The following GMDS variants were observed in gnomAD, a reference collection of about 807,000 sequenced individuals.
The protein encoded by GMDS is GDP-mannose 4,6-dehydratase.
Under a neutral mutation model 49.9 loss-of-function variants are expected in GMDS, and 20 were observed. That is an observed-to-expected ratio of 0.40 (90% CI 0.28 to 0.58). The LOEUF is 0.58. GMDS is among the 20% of genes least tolerant of loss of function. The pLI is 0.42. For missense variants in GMDS, 362 were observed against 481.4 expected (o/e 0.75, Z 2.32); for synonymous variants, 177 against 178.6 (o/e 0.99, Z 0.07).
chr6:1,877,183 C>T (rs1485982928), intron 7 of GMDS, among the ~76,000 whole-genome samples: 1 of 152,008 alleles, frequency 6.6e-6, no homozygotes, highest in Non-Finnish European at 1.5e-5. Flanking sequence ...TCTCGGTGTG[C>T]TGTTGATTCC....
intron 7 of GMDS, among the ~76,000 whole-genome samples, chr6:1,917,992 G>A (rs1172834763): frequency 6.6e-6 from 1 of 152,180 alleles, no homozygotes; most frequent in Non-Finnish European, 1.5e-5. Flanking sequence ...TTACTGCACT[G>A]TTTCCACAGA....
At chr6:2,125,298 A>T (rs1186369347) in intron 1 of GMDS, among the ~76,000 whole-genome samples, 1 of 152,032 alleles carries the variant, frequency 6.6e-6, no homozygotes, top group East Asian at 1.9e-4. Context: ...AACAAAACAA[A>T]ACAAAAAATT....
At chr6:1,863,277 A>G (rs1427731617) in intron 7 of GMDS, among the ~76,000 whole-genome samples, 1 of 152,170 alleles carries the variant, frequency 6.6e-6, no homozygotes, top group Non-Finnish European at 1.5e-5. Flanking sequence ...CACCATAGGA[A>G]AAATTCTCGC....
intron 1 of GMDS, among the ~76,000 whole-genome samples, chr6:2,222,185 C>T (rs1780622541): frequency 6.6e-6 from 1 of 152,122 alleles, no homozygotes; most frequent in Non-Finnish European, 1.5e-5. Context: ...ATCATTAGAC[C>T]AGCACTCACT....
At chr6:2,208,531 A>G (rs945144487) in intron 1 of GMDS, among the ~76,000 whole-genome samples, 20 of 152,304 alleles carry the variant, frequency 1.3e-4, no homozygotes, top group African/African-American at 4.8e-4. Context: ...CTGTACAGAC[A>G]ATTTTCCCAC....
intron 7 of GMDS, among the ~76,000 whole-genome samples, chr6:1,827,078 ATGTGTGTGTGTGTGTGTGTGTGTG>A (rs111813765): frequency 7.2e-5 from 9 of 125,282 alleles, no homozygotes; most frequent in Non-Finnish European, 1.2e-4. Context: ...AAAAATATAT[ATGTGTGTGTGTGTGTGTGTGTGTG>A]TGTGTGTGTG....
intron 4 of GMDS, among the ~76,000 whole-genome samples, chr6:2,105,485 TAGAA>T (rs1323499294): frequency 1.3e-5 from 2 of 151,826 alleles, no homozygotes; most frequent in East Asian, 1.9e-4. Context: ...AACAAACAAA[TAGAA>T]AGGCACTCTA....
intron 7 of GMDS, among the ~76,000 whole-genome samples, chr6:1,848,336 C>T (rs140339051): frequency 5.3e-5 from 8 of 152,258 alleles, no homozygotes; most frequent in Admixed American, 3.9e-4. Flanking sequence ...GGTGATTAAA[C>T]GCCACTTATC....
chr6:1,816,343 T>G (rs976845609), intron 7 of GMDS, among the ~76,000 whole-genome samples: 5 of 152,208 alleles, frequency 3.3e-5, no homozygotes, highest in African/African-American at 1.2e-4. Context: ...AGGAAATGGA[T>G]TCAGAGAGCT....
At chr6:1,772,173 T>G (rs1461048228) in intron 7 of GMDS, among the ~76,000 whole-genome samples, 1 of 152,176 alleles carries the variant, frequency 6.6e-6, no homozygotes, top group Non-Finnish European at 1.5e-5. Context: ...ACAAGGAAAA[T>G]GAAGAAGGAG....
chr6:1,827,876 G>T (rs1233326934), intron 7 of GMDS, among the ~76,000 whole-genome samples: 1 of 152,062 alleles, frequency 6.6e-6, no homozygotes, highest in African/African-American at 2.4e-5. Flanking sequence ...AAATGTCCAG[G>T]TTTCAACAAC....
chr6:1,690,720 C>G (rs1036559947), intron 9 of GMDS, among the ~76,000 whole-genome samples: 9 of 152,198 alleles, frequency 5.9e-5, no homozygotes, highest in Admixed American at 5.9e-4. Context: ...ACACACTTCT[C>G]AAAAGAAGAC....
chr6:1,942,744 C>T (rs1281685744), intron 6 of GMDS, among the ~76,000 whole-genome samples: 1 of 152,224 alleles, frequency 6.6e-6, no homozygotes, highest in Non-Finnish European at 1.5e-5. Context: ...TCCCTGAAAT[C>T]GGACGTTCCT....
At chr6:1,992,370 C>T (rs1326951112) in intron 4 of GMDS, among the ~76,000 whole-genome samples, 2 of 152,166 alleles carry the variant, frequency 1.3e-5, no homozygotes, top group African/African-American at 4.8e-5. Context: ...ATCATCCACT[C>T]CTCCCTCCCC....
intron 9 of GMDS, among the ~76,000 whole-genome samples, chr6:1,651,009 T>C (rs1004471885): frequency 6.6e-6 from 1 of 152,250 alleles, no homozygotes; most frequent in Non-Finnish European, 1.5e-5. Context: ...CCATGTCCCC[T>C]GAGAAGGCAG....
intron 6 of GMDS, among the ~76,000 whole-genome samples, chr6:1,935,006 G>A (rs1762458532): frequency 6.6e-6 from 1 of 152,160 alleles, no homozygotes; most frequent in African/African-American, 2.4e-5. Context: ...AATCTCTTCT[G>A]CGATGAGATG....
chr6:2,130,334 C>A (rs962449607), intron 1 of GMDS, among the ~76,000 whole-genome samples: 1 of 152,218 alleles, frequency 6.6e-6, no homozygotes, highest in Non-Finnish European at 1.5e-5. Context: ...GCTGCTGTCA[C>A]CAAAGAACCA....
chr6:1,736,518 G>C (rs1365932176), intron 8 of GMDS, among the ~76,000 whole-genome samples: 1 of 152,178 alleles, frequency 6.6e-6, no homozygotes, highest in Admixed American at 6.5e-5. Context: ...TTCTCAGCAT[G>C]ACTGCTTTTT....
chr6:1,867,530 A>C (rs928195595), intron 7 of GMDS, among the ~76,000 whole-genome samples: 1 of 152,218 alleles, frequency 6.6e-6, no homozygotes, highest in Non-Finnish European at 1.5e-5. Context: ...ACAGACTACC[A>C]GAATGTTTTC....
Sources: allele counts gnomAD v4.1 joint callset (sites outside exome capture counted in the v4.1 genomes callset), GRCh38; gene constraint gnomAD v4.1.1; transcripts MANE v1.5; gene names NCBI Gene and HGNC (gene_info 2026-07-23, HGNC 2026-07-21).